MACF1: variants seen among roughly 807,000 people sequenced by gnomAD.
MACF1 encodes microtubule actin crosslinking factor 1.
Under a neutral mutation model 854.8 loss-of-function variants are expected in MACF1, and 193 were observed. The ratio of observed to expected loss-of-function variants is 0.23; its 90% CI spans 0.20 to 0.25. MACF1 has a LOEUF of 0.25. Ranked by LOEUF, MACF1 falls within the 10% of genes least tolerant of loss-of-function variation. The probability of loss-of-function intolerance (pLI) is 1.00; values close to 1 mark genes in which losing one functional copy is unlikely to be tolerated. For synonymous variants in MACF1, 3,185 were observed against 3,226.7 expected (o/e 0.99, Z 0.44); for missense variants, 7,722 against 8,929.1 (o/e 0.86, Z 5.45).
At chr1:39,274,043 TATC>T (rs1645383997) in intron 6 of MACF1, among the ~76,000 whole-genome samples, 1 of 152,164 alleles carries the variant, frequency 6.6e-6, no homozygotes, top group African/African-American at 2.4e-5. Flanking sequence ...AGATTTACTT[TATC>T]ATAATAGGGG....
chr1:39,396,243 C>T (rs906376363), intron 58 of MACF1, among the ~76,000 whole-genome samples: 1 of 151,396 alleles, frequency 6.6e-6, no homozygotes, highest in Non-Finnish European at 1.5e-5. Flanking sequence ...TCGCTTGAAC[C>T]CAGGAGGTGG....
At chr1:39,216,791 C>T (rs1644582050) in intron 1 of MACF1, among the ~76,000 whole-genome samples, 7 of 151,922 alleles carry the variant, frequency 4.6e-5, no homozygotes. Context: ...AGGGCCTTTC[C>T]TGTAACCAAC....
rs762122758 is a variant in MACF1, at chr1:39,204,982, C to T, written c.-41C>T. On this transcript the variant is annotated 5_prime_UTR_variant, in exon 1 of 101. Coordinates refer to ENST00000564288, the MANE Select transcript of MACF1 (RefSeq NM_001394062.1). ...AAGGCATCCAGAGGCCTGCGCTGAGCTTGTGGCTAACTCAAGGGAGGAGAA... is the reference window on the plus strand; with the variant it reads ...AAGGCATCCAGAGGCCTGCGCTGAGTTTGTGGCTAACTCAAGGGAGGAGAA... 1 of 702,432 alleles carries T rather than the reference C, an allele frequency of 1.4e-6. No homozygotes were observed. Among genetic ancestry groups the T allele is most frequent in the South Asian group, 1.5e-5 (1 of 67,522 alleles). 43.5% of individuals were successfully genotyped at this position (702,432 alleles called of 1,614,324 possible).
intron 98 of MACF1, among the ~76,000 whole-genome samples, chr1:39,480,644 TAAA>T: frequency 6.8e-6 from 1 of 146,326 alleles, no homozygotes; most frequent in South Asian, 2.2e-4. Context: ...AAATAAAAAT[TAAA>T]AAAAAAAAAA....
At chr1:39,114,036 A>AC (rs934052456) in intron 2 of MACF1, among the ~76,000 whole-genome samples, 2 of 60,084 alleles carry the variant, frequency 3.3e-5, no homozygotes, top group African/African-American at 1.1e-4. Context: ...ACTCCGTCTT[A>AC]AAAAAAAAAA....
chr1:39,127,715 G>C (rs1012207367), intron 2 of MACF1, among the ~76,000 whole-genome samples: 1 of 152,184 alleles, frequency 6.6e-6, no homozygotes, highest in Non-Finnish European at 1.5e-5. Flanking sequence ...TCAGGGAAGT[G>C]ACCTTTACTT....
At chr1:39,241,052 T>G (rs1300424634) in intron 2 of MACF1, among the ~76,000 whole-genome samples, 2 of 136,420 alleles carry the variant, frequency 1.5e-5, no homozygotes, top group Non-Finnish European at 3.1e-5. Flanking sequence ...TATAATCTGT[T>G]TTTTTTTTTT....
At chr1:39,266,594 C>CT (rs11406070) in intron 6 of MACF1, among the ~76,000 whole-genome samples, 32,664 of 58,128 alleles carry the variant, frequency 0.56, 9,482 homozygotes, top group South Asian at 0.69. Flanking sequence ...TGGTCTTTTC[C>CT]TTTTTTTTTT....
intron 2 of MACF1, among the ~76,000 whole-genome samples, chr1:39,176,845 C>G (rs1644036411): frequency 6.6e-6 from 1 of 152,160 alleles, no homozygotes; most frequent in African/African-American, 2.4e-5. Flanking sequence ...CAGTTGAATG[C>G]CTTTCCTCCA....
intron 2 of MACF1, among the ~76,000 whole-genome samples, chr1:39,236,233 A>G (rs1644858318): frequency 6.6e-6 from 1 of 152,162 alleles, no homozygotes; most frequent in Non-Finnish European, 1.5e-5. Flanking sequence ...AAGTCTAGAA[A>G]CCGTGCTCTT....
chr1:39,393,192 A>ATAT lies in MACF1; in HGVS notation c.15816+4534_15816+4535insTAT, dbSNP rs1434134146. ...CTTCCTGGGAAGGGTAAAAAAAAAA[A>ATAT]AAAAATATATATATATATATATATA... On this transcript the variant is annotated intron_variant, in intron 58 of 100. Transcript: ENST00000564288. Among the ~76,000 whole-genome samples, 443 of 84,448 alleles carry ATAT rather than the reference A, an allele frequency of 5.2e-3. 3 individuals carry two copies. Among genetic ancestry groups the ATAT allele is most frequent in the African/African-American group, 0.024 (423 of 17,838 alleles). 55.4% of individuals were successfully genotyped at this position (84,448 alleles called of 152,430 possible). A position where few individuals can be genotyped will look rare whatever the true frequency, so the allele number is the denominator to read the frequency against.
rs11406070 is a variant in MACF1, at chr1:39,266,594, CTTTTTT to C, written c.528+8586_528+8591del. ...GTTGCTTTCCTTTTGTGGTCTTTTC[CTTTTTT>C]TTTTTTTTTTTTTTTTTTTCAGGTC... On this transcript the variant is annotated intron_variant, in intron 6 of 100. Coordinates refer to ENST00000564288, the MANE Select transcript of MACF1 (RefSeq NM_001394062.1). Among the ~76,000 whole-genome samples, 443 of 58,142 alleles carry C rather than the reference CTTTTTT, an allele frequency of 7.6e-3. 1 individual carries two copies. Among genetic ancestry groups the C allele is most frequent in the African/African-American group, 0.03 (407 of 13,708 alleles). 38.1% of individuals were successfully genotyped at this position (58,142 alleles called of 152,430 possible).
In MACF1 at chr1:39,434,447, G is replaced by A. The variant is rs1441433649; in HGVS notation, c.17599G>A (p.Ala5867Thr). The stretch of plus-strand genomic sequence containing the variant: ...AGAGTCTCTAATACAGCAATATGAA[G>A]CCATTAGCCTACTCAATTCAGAGCG... ...KTESLIQQYEAISLLNSERYA... is the reference protein window; with the variant it reads ...KTESLIQQYETISLLNSERYA... Residue 5867 changes from alanine to threonine, a missense_variant, in exon 69 of 101, where the codon GCC (alanine) becomes ACC (threonine). Transcript: ENST00000564288. 1.9e-6 allele frequency: 3 copies of A among 1,583,556 alleles called. No individual in the cohort carries two copies. The highest frequency in any genetic ancestry group is 2.6e-6 in the Non-Finnish European group (3 of 1,164,142).
At position 39,105,811 on chromosome 1, in the gene MACF1, G is replaced by C; in HGVS notation, c.220+21373G>C. On this transcript the variant is annotated intron_variant, in intron 2 of 93. Coordinates refer to the MACF1 transcript ENST00000361689. The surrounding 1 kb of genome is among the most constrained non-coding windows in gnomAD (Gnocchi z 5.9). The stretch of plus-strand genomic sequence containing the variant: ...CTCGGCGGCTGCAGGTGGGGCGGCC[G>C]GGCGGGGTCGCACCCACCGCGCGGG... 1 of 953,766 alleles carries C rather than the reference G, an allele frequency of 1.0e-6. No homozygotes were observed. The highest frequency in any genetic ancestry group is 1.3e-6 in the Non-Finnish European group (1 of 799,138). The allele number at this position is 953,766 out of a possible 1,614,324, so 59.1% of individuals were successfully genotyped here. A position where few individuals can be genotyped will look rare whatever the true frequency, so the allele number is the denominator to read the frequency against.
At chr1:39,134,658 T>C (rs1318505738) in intron 2 of MACF1, among the ~76,000 whole-genome samples, 1 of 152,142 alleles carries the variant, frequency 6.6e-6, no homozygotes, top group Non-Finnish European at 1.5e-5. Context: ...TCTTGCAGGG[T>C]TTTTGTAAAG....
At chr1:39,269,120 GACTGTCATTGCTC>G (rs1557554256) in intron 6 of MACF1, 2 of 1,289,826 alleles carry the variant, frequency 1.6e-6, no homozygotes, top group South Asian at 2.5e-5. Flanking sequence ...AAGAGGGGAT[GACTGTCATTGCTC>G]ACCTGCTTGA....
chr1:39,459,787 T>G, intron 91 of MACF1: 4 of 1,296,878 alleles, frequency 3.1e-6, no homozygotes, highest in Non-Finnish European at 4.1e-6. Context: ...CTCTAATATC[T>G]TTTGTATTTT....
At chr1:39,137,364 C>A (rs944008371) in intron 2 of MACF1, among the ~76,000 whole-genome samples, 5 of 152,132 alleles carry the variant, frequency 3.3e-5, no homozygotes, top group Non-Finnish European at 5.9e-5. Flanking sequence ...GCCACCATAC[C>A]CAGTCTTTTT....
rs1237225158 is a variant in MACF1, at chr1:39,333,879, G to A, written c.7291G>A (p.Val2431Met). The change falls in exon 37 of 101, where the codon GTG becomes ATG. Residue 2431 changes from valine (V) to methionine (M), a missense_variant. Physicochemically the swap from Val to Met is conservative, Grantham distance 21. Coordinates refer to ENST00000564288, the MANE Select transcript of MACF1 (RefSeq NM_001394062.1). ...SVTLASTLGL[V>M]DVADQPELIN... ...AACTTTGGCCTCAACTCTTGGCTTG[G>A]TGGACGTTGCTGACCAGCCAGAACT... The A allele has an allele frequency of 1.2e-6, 2 of 1,614,176 alleles. No individual in the cohort carries two copies. The highest frequency in any genetic ancestry group is 1.6e-4 in the Middle Eastern group (1 of 6,062).
Sources: allele counts gnomAD v4.1 joint callset (sites outside exome capture counted in the v4.1 genomes callset), GRCh38; gene constraint gnomAD v4.1.1; non-coding constraint Gnocchi (gnomAD v3.1); transcripts MANE v1.5; gene names NCBI Gene and HGNC (gene_info 2026-07-23, HGNC 2026-07-21).